ATAD2B: variants seen among roughly 807,000 people sequenced by gnomAD.
ATAD2B encodes ATPase family AAA domain containing 2B.
A neutral mutation model predicts 167.6 loss-of-function variants in ATAD2B; 40 were observed. The observed-to-expected ratio is 0.24, with a 90% confidence interval of 0.19 to 0.31. ATAD2B has a LOEUF of 0.31. Ranked by LOEUF, ATAD2B falls within the 10% of genes least tolerant of loss-of-function variation. The pLI is 1.00. For missense variants in ATAD2B, 1,242 were observed against 1,757.2 expected (o/e 0.71, Z 5.24); for synonymous variants, 579 against 596.5 (o/e 0.97, Z 0.43).
At chr2:23,790,101 C>T (rs571854532) in intron 19 of ATAD2B, among the ~76,000 whole-genome samples, 10 of 152,248 alleles carry the variant, frequency 6.6e-5, no homozygotes, top group African/African-American at 2.2e-4. Flanking sequence ...TTAATCAATG[C>T]TTTGATGGCC....
chr2:23,810,567 A>G, intron 17 of ATAD2B, 65 bp from the exon 18 acceptor site: 1 of 1,379,294 alleles, frequency 7.3e-7, no homozygotes, highest in Non-Finnish European at 9.9e-7. Context: ...ATGAAATATC[A>G]GGCAAAATTT....
intron 8 of ATAD2B, among the ~76,000 whole-genome samples, chr2:23,869,971 C>G (rs893109733): frequency 6.6e-6 from 1 of 151,864 alleles, no homozygotes; most frequent in Admixed American, 6.6e-5. Flanking sequence ...GCACTTTGGG[C>G]AGTCAAGGTG....
Position 23,810,303 on chromosome 2 carries a change from G to T in ATAD2B, c.2454+13C>A. ...AAGAAAGTTGGAAGTGCTCTGATGT[G>T]GTACAAACCTACCTGTGCACATGAT... On this transcript the variant is annotated intron_variant, in intron 18 of 27. Transcript: ENST00000238789. 1 of 1,606,972 alleles carries T rather than the reference G, an allele frequency of 6.2e-7. No homozygotes were observed. Among genetic ancestry groups the T allele is most frequent in the South Asian group, 1.1e-5 (1 of 90,486 alleles).
the ATAD2B span, among the ~76,000 whole-genome samples, chr2:23,735,851 T>G: frequency 6.6e-6 from 1 of 152,170 alleles, no homozygotes; most frequent in Non-Finnish European, 1.5e-5. Context: ...TGAAGGTAAC[T>G]CTTGCTCCTG....
the ATAD2B span, among the ~76,000 whole-genome samples, chr2:23,742,205 T>TATATAGTA: frequency 4.6e-5 from 7 of 152,164 alleles, no homozygotes; most frequent in African/African-American, 1.7e-4. Flanking sequence ...CATTACTGGG[T>TATATAGTA]ATATACCCAA....
intron 13 of ATAD2B, among the ~76,000 whole-genome samples, chr2:23,855,355 C>G (rs1354723353): frequency 6.6e-6 from 1 of 152,048 alleles, no homozygotes; most frequent in African/African-American, 2.4e-5. Context: ...AATATTAAAG[C>G]TTAATATTAT....
At chr2:23,786,818 A>T (rs1015255856) in intron 20 of ATAD2B, among the ~76,000 whole-genome samples, 5 of 152,158 alleles carry the variant, frequency 3.3e-5, no homozygotes, top group Non-Finnish European at 7.4e-5. Flanking sequence ...AAATAGTTCA[A>T]CACAAATATC....
At chr2:23,855,617 T>G (rs921252103) in intron 13 of ATAD2B, among the ~76,000 whole-genome samples, 2 of 152,174 alleles carry the variant, frequency 1.3e-5, no homozygotes, top group Non-Finnish European at 2.9e-5. Context: ...AAAGAAAACA[T>G]GTCCACACAA....
the ATAD2B span, chr2:23,693,450 C>T: frequency 1.3e-6 from 2 of 1,551,746 alleles, no homozygotes; most frequent in East Asian, 4.9e-5. Flanking sequence ...CCAACGACAG[C>T]CTCAACACCA....
At chr2:23,921,205 CAAAAAAAAAAA>C (rs61004964) in intron 1 of ATAD2B, among the ~76,000 whole-genome samples, 26 of 32,294 alleles carry the variant, frequency 8.1e-4, no homozygotes, top group African/African-American at 2.9e-3. Flanking sequence ...GACTCCATCT[CAAAAAAAAAAA>C]AAAAAAAAAA....
intron 17 of ATAD2B, among the ~76,000 whole-genome samples, chr2:23,818,579 A>G (rs961591384): frequency 6.6e-6 from 1 of 152,190 alleles, no homozygotes; most frequent in African/African-American, 2.4e-5. Flanking sequence ...TAAAAATGAA[A>G]AACAAGAAAG....
the ATAD2B span, among the ~76,000 whole-genome samples, chr2:23,680,463 C>T: frequency 1.3e-5 from 2 of 152,178 alleles, no homozygotes; most frequent in Non-Finnish European, 2.9e-5. The surrounding 1 kb of genome is among the most constrained non-coding windows in gnomAD (Gnocchi z 4.1). Flanking sequence ...CAGACGTAGG[C>T]GGGCATCCCG....
chr2:23,754,673 G>T lies in ATAD2B; in HGVS notation c.4180C>A (p.Leu1394Ile), dbSNP rs761632115. Residue 1394 changes from leucine to isoleucine, a missense_variant, in exon 26 of 28, where the codon CTT (leucine) becomes ATT (isoleucine). Coordinates refer to ENST00000238789, the MANE Select transcript of ATAD2B (RefSeq NM_017552.4). ...TTCAATCTCTCACGATCAACTATAA[G>T]AGGAGGCACAGGCTCAGATGGCTCT... ...PEEPSEPVPP[L>I]IVDRERLKKL... 6.2e-7 allele frequency: 1 copy of T among 1,612,980 alleles called. No individual in the cohort carries two copies. Among genetic ancestry groups the T allele is most frequent in the South Asian group, 1.1e-5 (1 of 91,014 alleles).
In ATAD2B at chr2:23,757,869, G is replaced by A; in HGVS notation, c.3627C>T (p.Ser1209=). The A allele has an allele frequency of 6.3e-7, 1 of 1,594,288 alleles. No individual in the cohort carries two copies. Among genetic ancestry groups the A allele is most frequent in the Non-Finnish European group, 8.5e-7 (1 of 1,174,134 alleles). The change falls in exon 25 of 28, where the codon TCC becomes TCT. Residue 1209 remains serine (S), a synonymous_variant. Transcript: ENST00000238789. ...GDLSMTNDES[S]CDIMDLDQGQ... ...CCTGGTCCAAGTCCATGATGTCACA[G>A]GATGATTCATCATTGGTCATAGATA...
At chr2:23,884,112 C>G (rs1698355024) in intron 6 of ATAD2B, among the ~76,000 whole-genome samples, 1 of 152,042 alleles carries the variant, frequency 6.6e-6, no homozygotes, top group Non-Finnish European at 1.5e-5. Context: ...CCACTGTACT[C>G]CAGCCTGGGC....
In ATAD2B at chr2:23,867,857, T is replaced by C; in HGVS notation, c.1166A>G (p.Asp389Gly). ...VKVGASLADV[D>G]PMNIDKSVRF... ...TACTGATTTATCAATGTTCATTGGA[T>C]CAACATCAGCCAAGCTTGCACCCAC... Residue 389 changes from aspartate to glycine, a missense_variant, in exon 10 of 28, where the codon GAT becomes GGT. By Grantham distance (94) the Asp-to-Gly change is moderately conservative. Transcript: ENST00000238789. The C allele has an allele frequency of 6.2e-7, 1 of 1,612,214 alleles. No individual in the cohort carries two copies. Among genetic ancestry groups the C allele is most frequent in the Non-Finnish European group, 8.5e-7 (1 of 1,178,726 alleles).
chr2:23,700,585 C>A, the ATAD2B span, among the ~76,000 whole-genome samples: 1 of 152,178 alleles, frequency 6.6e-6, no homozygotes, highest in Non-Finnish European at 1.5e-5. This position sits in a 1 kb window ranked among gnomAD's most constrained non-coding sequence, Gnocchi z 4.6. Context: ...CAAACCATGA[C>A]GTTTTCCCTA....
Position 23,786,133 on chromosome 2 carries a change from T to A in ATAD2B, c.2867A>T (p.Glu956Val). Residue 956 changes from glutamate (E) to valine (V), a missense_variant, in exon 21 of 28, where the codon GAG becomes GTG. Glu to Val is a moderately radical substitution (Grantham distance 121). Coordinates refer to ENST00000238789, the MANE Select transcript of ATAD2B (RefSeq NM_017552.4). Reference sequence around the variant, plus strand: ...CCGCAACTCTCTTAAAGTATTTTCCTCCTGGTCCTCCATTCGACTTTTTTC... The same window carrying A: ...CCGCAACTCTCTTAAAGTATTTTCCACCTGGTCCTCCATTCGACTTTTTTC... ...ESEKSRMEDQ[E>V]ENTLRELRLF... is the part of the protein sequence containing the mutation. 6.2e-7 allele frequency: 1 copy of A among 1,607,834 alleles called. No homozygotes were observed. Among genetic ancestry groups the A allele is most frequent in the Non-Finnish European group, 8.5e-7 (1 of 1,176,900 alleles).
At chr2:23,700,865 C>T in the ATAD2B span, among the ~76,000 whole-genome samples, 11 of 152,260 alleles carry the variant, frequency 7.2e-5, no homozygotes, top group Admixed American at 5.9e-4. This position sits in a 1 kb window ranked among gnomAD's most constrained non-coding sequence, Gnocchi z 4.6. Flanking sequence ...CTGTTGGGAC[C>T]TTGGCTGCCC....
Sources: gnomAD v4.1 joint callset for allele counts (sites outside exome capture counted in the v4.1 genomes callset) on GRCh38, gnomAD v4.1.1 for gene constraint, Gnocchi (gnomAD v3.1) non-coding constraint, MANE v1.5 for transcripts, NCBI Gene and HGNC (gene_info 2026-07-23, HGNC 2026-07-21) for gene names.